ANKS1A: variants seen among roughly 807,000 people sequenced by gnomAD.
ANKS1A encodes the protein ankyrin repeat and SAM domain-containing protein 1A.
A neutral mutation model predicts 120.3 loss-of-function variants in ANKS1A; 55 were observed. The ratio of observed to expected loss-of-function variants is 0.46; its 90% confidence interval spans 0.37 to 0.57. ANKS1A has a LOEUF of 0.57. Among genes scored for constraint, ANKS1A ranks in the 20% least tolerant of loss-of-function variants. The probability of loss-of-function intolerance (pLI) is 0.00; values close to 1 mark genes in which losing one functional copy is unlikely to be tolerated. For synonymous variants in ANKS1A, 590 were observed against 604.7 expected (o/e 0.98, Z 0.36); for missense variants, 1,123 against 1,480.3 (o/e 0.76, Z 3.96).
At chr6:35,094,061 G>C (rs1339289263), downstream of ANKS1A, among the ~76,000 whole-genome samples, 2 of 152,222 alleles carry the variant, frequency 1.3e-5, no homozygotes, top group African/African-American at 2.4e-5. Context: ...CCCACCTCAG[G>C]TGTCAGTGGA....
chr6:34,932,084 G>A (rs1044483326), intron 1 of ANKS1A, among the ~76,000 whole-genome samples: 2 of 152,210 alleles, frequency 1.3e-5, no homozygotes, highest in Non-Finnish European at 2.9e-5. Context: ...AGAGATTGGA[G>A]GACCTGGCAC....
At chr6:35,012,198 A>G (rs932781891) in intron 10 of ANKS1A, among the ~76,000 whole-genome samples, 3 of 152,200 alleles carry the variant, frequency 2.0e-5, no homozygotes, top group African/African-American at 7.2e-5. Context: ...AAAGAGACCT[A>G]GAGAGGAAAA....
At chr6:34,970,308 G>A in intron 3 of ANKS1A, 142 bp downstream of exon 3, 1 of 940,230 alleles carries the variant, frequency 1.1e-6, no homozygotes, top group Non-Finnish European at 1.5e-6. Flanking sequence ...TCCTTAGCAT[G>A]GAACCACCTC....
intron 1 of ANKS1A, among the ~76,000 whole-genome samples, chr6:34,908,845 G>A (rs376754836): frequency 1.6e-4 from 24 of 151,790 alleles, no homozygotes; most frequent in African/African-American, 5.1e-4. Flanking sequence ...CTCATCTTTT[G>A]GGTTGTCTTC....
chr6:34,936,049 G>A (rs967754230), intron 1 of ANKS1A, among the ~76,000 whole-genome samples: 6 of 120,956 alleles, frequency 5.0e-5, no homozygotes, highest in Non-Finnish European at 6.6e-5. Flanking sequence ...GCGACAGAGC[G>A]AGACTCCGTC....
Position 35,084,286 on chromosome 6 carries a change from G to A in ANKS1A, c.3132+28G>A. The A allele has an allele frequency of 1.9e-6, 3 of 1,611,200 alleles. No homozygotes were observed. The highest frequency in any genetic ancestry group is 1.7e-5 in the Admixed American group (1 of 59,912). On this transcript the variant is annotated intron_variant, in intron 21 of 23. Transcript: ENST00000360359. The surrounding 1 kb of genome is among the most constrained non-coding windows in gnomAD (Gnocchi z 4.8). ...GGGTGGGGTCCTGGGGCCGGGTGGGGCAGGCTTGGGTTGCAGCCCTGAGGC... is the reference window on the plus strand; with the variant it reads ...GGGTGGGGTCCTGGGGCCGGGTGGGACAGGCTTGGGTTGCAGCCCTGAGGC...
At chr6:34,922,045 C>G (rs1046516455) in intron 1 of ANKS1A, among the ~76,000 whole-genome samples, 1 of 138,496 alleles carries the variant, frequency 7.2e-6, no homozygotes, top group African/African-American at 2.9e-5. Context: ...GAGATAGGGT[C>G]TCCTTGTGTT....
At chr6:35,076,198 C>T (rs965754005) in intron 13 of ANKS1A, among the ~76,000 whole-genome samples, 15 of 152,122 alleles carry the variant, frequency 9.9e-5, no homozygotes, top group African/African-American at 2.7e-4. Context: ...CCGAGATGGG[C>T]GGATCACGAG....
At chr6:34,902,704 G>A (rs921305840) in intron 1 of ANKS1A, among the ~76,000 whole-genome samples, 13 of 151,582 alleles carry the variant, frequency 8.6e-5, no homozygotes, top group African/African-American at 3.2e-4. Flanking sequence ...TCGGGAGGCT[G>A]AGGCAGGAGA....
intron 1 of ANKS1A, among the ~76,000 whole-genome samples, chr6:34,938,220 G>T (rs905549393): frequency 6.6e-6 from 1 of 152,156 alleles, no homozygotes; most frequent in Non-Finnish European, 1.5e-5. Flanking sequence ...AGAATTTCAG[G>T]CATCAAGCAA....
chr6:34,972,688 C>A, intron 3 of ANKS1A: 1 of 944,830 alleles, frequency 1.1e-6, no homozygotes, highest in Non-Finnish European at 1.3e-6. Context: ...TTTCTCCAAG[C>A]TGTACCTCCT....
intron 11 of ANKS1A, among the ~76,000 whole-genome samples, chr6:35,031,745 T>C (rs990148660): frequency 6.6e-6 from 1 of 152,216 alleles, no homozygotes; most frequent in African/African-American, 2.4e-5. Flanking sequence ...ACATCCTTGC[T>C]TCCCTATTGC....
intron 3 of ANKS1A, among the ~76,000 whole-genome samples, chr6:34,976,874 T>C (rs1468709964): frequency 6.6e-6 from 1 of 152,148 alleles, no homozygotes; most frequent in Non-Finnish European, 1.5e-5. Flanking sequence ...TCCTAAACAC[T>C]TCCATTTTGG....
intron 1 of ANKS1A, among the ~76,000 whole-genome samples, chr6:34,960,654 C>A (rs1042540648): frequency 3.9e-5 from 6 of 152,184 alleles, no homozygotes; most frequent in Middle Eastern, 3.2e-3. Context: ...CAGTCATATT[C>A]TTCCATGCCC....
At chr6:35,011,756 C>T (rs1414374826) in intron 10 of ANKS1A, among the ~76,000 whole-genome samples, 9 of 152,316 alleles carry the variant, frequency 5.9e-5, no homozygotes, top group South Asian at 4.2e-4. Flanking sequence ...AAACCAGCCT[C>T]TCTGTGCAGT....
chr6:34,997,440 C>T (rs1772914646), intron 10 of ANKS1A, among the ~76,000 whole-genome samples: 1 of 152,106 alleles, frequency 6.6e-6, no homozygotes, highest in African/African-American at 2.4e-5. Context: ...AGGTGATCCA[C>T]CCGCCTCAGC....
At chr6:35,070,051 G>C (rs1217494068) in intron 13 of ANKS1A, among the ~76,000 whole-genome samples, 3 of 148,628 alleles carry the variant, frequency 2.0e-5, no homozygotes, top group South Asian at 2.1e-4. Flanking sequence ...AAAGAGACTG[G>C]GTGTCTCACA....
intron 1 of ANKS1A, among the ~76,000 whole-genome samples, chr6:34,938,663 TCTC>T (rs1161105189): frequency 1.3e-5 from 2 of 151,846 alleles, no homozygotes; most frequent in East Asian, 1.9e-4. Flanking sequence ...TTGTTTGTCT[TCTC>T]CTCTCTGAGT....
chr6:35,030,862 C>T (rs566099362), intron 11 of ANKS1A, among the ~76,000 whole-genome samples: 1 of 152,336 alleles, frequency 6.6e-6, no homozygotes, highest in South Asian at 2.1e-4. Context: ...CCTCAGATGG[C>T]TTATTTTCAA....
Sources: allele counts gnomAD v4.1 joint callset (sites outside exome capture counted in the v4.1 genomes callset), GRCh38; gene constraint gnomAD v4.1.1; non-coding constraint Gnocchi (gnomAD v3.1); transcripts MANE v1.5; gene names NCBI Gene and HGNC (gene_info 2026-07-23, HGNC 2026-07-21).